The following ITGA8 variants were observed in gnomAD, a reference collection of about 807,000 sequenced individuals.
ITGA8 encodes the protein integrin alpha-8.
In ITGA8, 91 loss-of-function variants were observed where a neutral mutation model predicts 142.3. The observed-to-expected ratio is 0.64, with a 90% CI of 0.54 to 0.76. The LOEUF (loss-of-function observed/expected upper bound fraction) is 0.76, where lower values mean the gene tolerates loss of function less well. ITGA8 is among the 30% of genes least tolerant of loss of function. The pLI is 0.00. For missense variants in ITGA8, 1,406 were observed against 1,327.7 expected (o/e 1.06, Z -0.92); for synonymous variants, 505 against 485.2 (o/e 1.04, Z -0.54).
rs1400227794 is a variant in ITGA8, at chr10:15,655,377, G to A, written c.978C>T (p.Val326=). The A allele has an allele frequency of 8.7e-6, 14 of 1,609,758 alleles. No individual in the cohort carries two copies. Among genetic ancestry groups the A allele is most frequent in the South Asian group, 3.3e-5 (3 of 90,824 alleles). The change falls in exon 11 of 30, where the codon GTC becomes GTT. Residue 326 remains valine, a synonymous_variant. Coordinates refer to ENST00000378076, the MANE Select transcript of ITGA8 (RefSeq NM_003638.3). The part of the protein sequence containing the change: ...QMASYFGYTV[V]VSDVNSDGLD... The stretch of plus-strand genomic sequence containing the variant: ...ACCCATCACTGTTAACATCTGATAC[G>A]ACAACGGTATATCCAAAATAAGATG...
intron 22 of ITGA8, among the ~76,000 whole-genome samples, chr10:15,586,898 A>G (rs1230232601): frequency 1.3e-5 from 2 of 152,144 alleles, no homozygotes; most frequent in Non-Finnish European, 2.9e-5. Flanking sequence ...TTATCTGGAA[A>G]TACAATAGAT....
chr10:15,602,694 C>T (rs1264122903), intron 20 of ITGA8, among the ~76,000 whole-genome samples: 4 of 151,660 alleles, frequency 2.6e-5, no homozygotes, highest in Non-Finnish European at 5.9e-5. Flanking sequence ...GCTATGATCA[C>T]GCTGCTGCAC....
At chr10:15,709,128 C>T (rs1382513452) in intron 2 of ITGA8, among the ~76,000 whole-genome samples, 1 of 152,164 alleles carries the variant, frequency 6.6e-6, no homozygotes, top group Non-Finnish European at 1.5e-5. Context: ...AGAGAATATG[C>T]ATTGTAAGTG....
At chr10:15,705,203 C>T (rs1835235845) in intron 2 of ITGA8, among the ~76,000 whole-genome samples, 2 of 152,150 alleles carry the variant, frequency 1.3e-5, no homozygotes, top group African/African-American at 4.8e-5. Context: ...GTTACTTATC[C>T]AACTTCCTGT....
chr10:15,712,209 C>T lies in ITGA8; in HGVS notation c.343+6557G>A, dbSNP rs142207768. On this transcript the variant is annotated intron_variant, in intron 2 of 29. Transcript: ENST00000378076. ...AAAAATTATTTTAAAATGCTTTCAACATGCTTGCTGATTAAAGGATGAATG... is the reference window on the plus strand; with the variant it reads ...AAAAATTATTTTAAAATGCTTTCAATATGCTTGCTGATTAAAGGATGAATG... 9.3e-3 allele frequency among the ~76,000 whole-genome samples: 1,414 copies of T among 152,264 alleles called. 18 individuals are homozygous for T. The highest frequency in any genetic ancestry group is 0.02 in the Middle Eastern group (6 of 294).
At chr10:15,678,610 A>G in intron 5 of ITGA8, 112 bp downstream of exon 5, 1 of 719,912 alleles carries the variant, frequency 1.4e-6, no homozygotes, top group East Asian at 2.6e-5. Context: ...ATGTTCCTCA[A>G]GATTCTTTGG....
chr10:15,549,201 G>GTTCTTTTTTTTTTTTTTTTT (rs1833741103), intron 26 of ITGA8, among the ~76,000 whole-genome samples: 1 of 107,342 alleles, frequency 9.3e-6, no homozygotes, highest in Non-Finnish European at 1.7e-5. Context: ...TTTCTTTTCT[G>GTTCTTTTTTTTTTTTTTTTT]TTTTTTTTTT....
chr10:15,702,682 G>A (rs181425524), intron 2 of ITGA8, among the ~76,000 whole-genome samples: 2 of 152,230 alleles, frequency 1.3e-5, no homozygotes, highest in Admixed American at 6.5e-5. Context: ...TCCCTGTTGA[G>A]TCTCATTCCA....
At chr10:15,702,115 TCA>T (rs1459225627) in intron 2 of ITGA8, among the ~76,000 whole-genome samples, 1 of 152,158 alleles carries the variant, frequency 6.6e-6, no homozygotes, top group African/African-American at 2.4e-5. Context: ...TTAAAGAATA[TCA>T]CAGTTTTCCT....
At chr10:15,609,752 C>CT (rs139802461) in intron 15 of ITGA8, among the ~76,000 whole-genome samples, 2,400 of 152,258 alleles carry the variant, frequency 0.016, 74 homozygotes, top group African/African-American at 0.055. Flanking sequence ...AGCCAATGAT[C>CT]TTTTTTTCCA....
At chr10:15,655,498 T>A in intron 10 of ITGA8, 92 bp from the exon 11 acceptor site, 1 of 899,536 alleles carries the variant, frequency 1.1e-6, no homozygotes, top group Non-Finnish European at 1.8e-6. Flanking sequence ...CATCTCATTG[T>A]GGTACATTTT....
chr10:15,679,138 C>T (rs1446912820), intron 4 of ITGA8, among the ~76,000 whole-genome samples: 1 of 152,140 alleles, frequency 6.6e-6, no homozygotes, highest in Non-Finnish European at 1.5e-5. Flanking sequence ...TTTGCCCCCT[C>T]GTGCTGTGTG....
intron 27 of ITGA8, among the ~76,000 whole-genome samples, chr10:15,547,455 C>A (rs980607426): frequency 6.6e-6 from 1 of 152,124 alleles, no homozygotes; most frequent in African/African-American, 2.4e-5. Context: ...GCCTGTAGTC[C>A]CAGCTACTTG....
At chr10:15,608,198 G>GTA in intron 16 of ITGA8, 37 bp downstream of exon 16, 1 of 1,443,038 alleles carries the variant, frequency 6.9e-7, no homozygotes, top group South Asian at 1.2e-5. Context: ...AACTTTCTTA[G>GTA]TATACCATAA....
At chr10:15,596,589 A>G (rs1203119248) in intron 21 of ITGA8, 1 of 152,364 alleles carries the variant, frequency 6.6e-6, no homozygotes, top group East Asian at 1.9e-4. Context: ...ATTTTTGAAT[A>G]CCCAAGATCA....
At chr10:15,680,867 T>G (rs1564406311) in intron 4 of ITGA8, among the ~76,000 whole-genome samples, 1 of 152,096 alleles carries the variant, frequency 6.6e-6, no homozygotes, top group Non-Finnish European at 1.5e-5. Flanking sequence ...GTTCTTTCCA[T>G]TGCAAAGTCT....
At chr10:15,563,102 G>A (rs1273150390) in intron 25 of ITGA8, among the ~76,000 whole-genome samples, 2 of 139,988 alleles carry the variant, frequency 1.4e-5, no homozygotes, top group African/African-American at 2.7e-5. Flanking sequence ...TGAAGTGCCT[G>A]CTCCCCACTC....
intron 2 of ITGA8, among the ~76,000 whole-genome samples, chr10:15,688,852 C>G (rs1588725498): frequency 6.6e-6 from 1 of 152,302 alleles, no homozygotes; most frequent in South Asian, 2.1e-4. Context: ...TGTACCTACA[C>G]ACAGTGAAAG....
chr10:15,707,295 AG>A (rs1378025854), intron 2 of ITGA8, among the ~76,000 whole-genome samples: 4 of 152,198 alleles, frequency 2.6e-5, no homozygotes, highest in African/African-American at 9.6e-5. Flanking sequence ...GGATACTATC[AG>A]GTGGAAGAAG....
Sources: gnomAD v4.1 joint callset for allele counts (sites outside exome capture counted in the v4.1 genomes callset) on GRCh38, gnomAD v4.1.1 for gene constraint, MANE v1.5 for transcripts, NCBI Gene and HGNC (gene_info 2026-07-23, HGNC 2026-07-21) for gene names.